Variants in TRPC7 observed in about 807,000 individuals in gnomAD.
TRPC7 encodes transient receptor potential cation channel subfamily C member 7.
Under a neutral mutation model 90.1 loss-of-function variants are expected in TRPC7, and 42 were observed. The observed-to-expected ratio is 0.47, with a 90% confidence interval of 0.36 to 0.60. TRPC7 has a LOEUF of 0.60. TRPC7 is among the 20% of genes least tolerant of loss of function. The pLI is 0.00. For synonymous variants in TRPC7, 451 were observed against 436.3 expected (o/e 1.03, Z -0.42); for missense variants, 955 against 1,112.3 (o/e 0.86, Z 2.01).
rs1381853941 is a variant in TRPC7 at position 136,213,093 on chromosome 5, T to C, written c.*342A>G. On this transcript the variant is annotated 3_prime_UTR_variant, in exon 12 of 12. Transcript: ENST00000513104. ...GCCAGAGCTGCAGTCCCACCTGCAG[T>C]GGGAGGGCACAGGTGTGCACCCAAG... Among the ~76,000 whole-genome samples, 5 of 152,120 alleles carry C rather than the reference T, an allele frequency of 3.3e-5. No individual in the cohort carries two copies. Among genetic ancestry groups the C allele is most frequent in the Non-Finnish European group, 7.4e-5 (5 of 68,014 alleles).
At chr5:136,329,367 G>A (rs1448732328) in intron 2 of TRPC7, among the ~76,000 whole-genome samples, 1 of 152,124 alleles carries the variant, frequency 6.6e-6, no homozygotes, top group Non-Finnish European at 1.5e-5. Context: ...TGCTCTGAAG[G>A]GTCTCAGAGT....
At chr5:136,353,883 T>A (rs564311017) in intron 2 of TRPC7, among the ~76,000 whole-genome samples, 1 of 152,336 alleles carries the variant, frequency 6.6e-6, no homozygotes, top group South Asian at 2.1e-4. Context: ...AATATCATAG[T>A]AGATGCTTTC....
chr5:136,318,309 CTG>C (rs1759091921), intron 2 of TRPC7, among the ~76,000 whole-genome samples: 1 of 152,180 alleles, frequency 6.6e-6, no homozygotes, highest in South Asian at 2.1e-4. Context: ...TTCCTGAACA[CTG>C]AGGTCTGCCA....
At chr5:136,330,567 G>A (rs575338648) in intron 2 of TRPC7, among the ~76,000 whole-genome samples, 2 of 152,344 alleles carry the variant, frequency 1.3e-5, no homozygotes, top group South Asian at 4.1e-4. Flanking sequence ...GGTGTGGGAG[G>A]AGCATTCAAG....
At chr5:136,222,841 T>TTGAGGCTCAGTG (rs1429178991) in intron 10 of TRPC7, among the ~76,000 whole-genome samples, 47 of 152,364 alleles carry the variant, frequency 3.1e-4, no homozygotes, top group African/African-American at 1.1e-3. Flanking sequence ...CCTTGGCCAC[T>TTGAGGCTCAGTG]GAGCCTCAAT....
At chr5:136,307,316 G>T (rs762193144) in intron 3 of TRPC7, among the ~76,000 whole-genome samples, 1 of 151,928 alleles carries the variant, frequency 6.6e-6, no homozygotes, top group Non-Finnish European at 1.5e-5. Context: ...TCAGCCCCTG[G>T]TAACTGTGAT....
In TRPC7 at chr5:136,300,412, C is replaced by A. The variant is rs1050944068; in HGVS notation, c.963+15185G>T. Among the ~76,000 whole-genome samples the A allele has an allele frequency of 5.3e-5, 8 of 152,182 alleles. No individual in the cohort carries two copies. The South Asian group carries it at 1.7e-3, about 32-fold the overall frequency. On this transcript the variant is annotated intron_variant, in intron 3 of 11. Transcript: ENST00000513104. ...AGCAATCTGAGCTCCCCACAGGAGGCAAAGGCCCCACTGTTTCTCCCTGAC... is the reference window on the plus strand; with the variant it reads ...AGCAATCTGAGCTCCCCACAGGAGGAAAAGGCCCCACTGTTTCTCCCTGAC...
chr5:136,280,058 G>C (rs1054322321), intron 3 of TRPC7, among the ~76,000 whole-genome samples: 2 of 152,134 alleles, frequency 1.3e-5, no homozygotes, highest in African/African-American at 2.4e-5. Context: ...TACTTGGAAG[G>C]CTGAGGCAGG....
At chr5:136,315,818 A>G in intron 2 of TRPC7, 39 bp from the exon 3 acceptor site, 2 of 1,590,548 alleles carry the variant, frequency 1.3e-6, no homozygotes, top group Non-Finnish European at 1.7e-6. Context: ...TGTCACATGG[A>G]GGCCCGCAGA....
At chr5:136,310,716 A>C (rs1758798689) in intron 3 of TRPC7, among the ~76,000 whole-genome samples, 1 of 152,232 alleles carries the variant, frequency 6.6e-6, no homozygotes, top group Non-Finnish European at 1.5e-5. Context: ...TACTTTGCTC[A>C]GCTGGTGAAG....
chr5:136,363,952 A>T (rs2149866515), intron 1 of TRPC7, among the ~76,000 whole-genome samples: 1 of 152,328 alleles, frequency 6.6e-6, no homozygotes, highest in East Asian at 1.9e-4. Context: ...TATTTTTAAA[A>T]AAGATTTTTC....
At chr5:136,329,172 GT>G (rs751743183) in intron 2 of TRPC7, among the ~76,000 whole-genome samples, 3 of 151,520 alleles carry the variant, frequency 2.0e-5, no homozygotes, top group Admixed American at 2.0e-4. Flanking sequence ...TCTGCTTGTT[GT>G]TTTTTTAACA....
intron 4 of TRPC7, among the ~76,000 whole-genome samples, chr5:136,272,976 A>G (rs1234100033): frequency 2.0e-5 from 3 of 152,208 alleles, no homozygotes; most frequent in African/African-American, 7.2e-5. Flanking sequence ...TTAGTCAGCA[A>G]CTACTCTTTC....
intron 2 of TRPC7, among the ~76,000 whole-genome samples, chr5:136,324,261 C>G (rs1292446917): frequency 1.3e-5 from 2 of 152,020 alleles, no homozygotes; most frequent in African/African-American, 4.8e-5. Context: ...TGAATAAACA[C>G]CTAGTTCAAA....
chr5:136,324,579 G>T (rs540079388), intron 2 of TRPC7, among the ~76,000 whole-genome samples: 1 of 152,196 alleles, frequency 6.6e-6, no homozygotes, highest in Admixed American at 6.5e-5. Flanking sequence ...TTATTGACAT[G>T]AATTTCTAGC....
intron 10 of TRPC7, among the ~76,000 whole-genome samples, chr5:136,216,642 G>T (rs1302304012): frequency 6.6e-6 from 1 of 152,170 alleles, no homozygotes; most frequent in Non-Finnish European, 1.5e-5. Context: ...CATCTTTCCT[G>T]GACCTCAGTT....
chr5:136,333,378 A>G (rs2149847597), intron 2 of TRPC7, among the ~76,000 whole-genome samples: 1 of 152,362 alleles, frequency 6.6e-6, no homozygotes, highest in South Asian at 2.1e-4. Context: ...ATGATTATAC[A>G]GGGAACTATG....
chr5:136,319,789 A>G (rs987503000), intron 2 of TRPC7, among the ~76,000 whole-genome samples: 2 of 152,174 alleles, frequency 1.3e-5, no homozygotes, highest in African/African-American at 4.8e-5. Context: ...GGCTTCCAGA[A>G]TAACATACTC....
chr5:136,326,287 G>T (rs1191718381), intron 2 of TRPC7, among the ~76,000 whole-genome samples: 3 of 152,172 alleles, frequency 2.0e-5, no homozygotes, highest in Non-Finnish European at 4.4e-5. Context: ...ACAACTCATT[G>T]TCAAGACCCT....
Sources: gnomAD v4.1 joint callset for allele counts (sites outside exome capture counted in the v4.1 genomes callset) on GRCh38, gnomAD v4.1.1 for gene constraint, MANE v1.5 for transcripts, NCBI Gene and HGNC (gene_info 2026-07-23, HGNC 2026-07-21) for gene names.